TMEM62: variants seen among roughly 807,000 people sequenced by gnomAD.
TMEM62 encodes the protein transmembrane protein 62.
A neutral mutation model predicts 70.4 loss-of-function variants in TMEM62; 41 were observed. The observed-to-expected ratio is 0.58, with a 90% CI of 0.45 to 0.76. TMEM62 has a LOEUF of 0.76. TMEM62 is among the 30% of genes least tolerant of loss of function. TMEM62 has a pLI of 0.00. For synonymous variants in TMEM62, 268 were observed against 291.0 expected, an observed-to-expected ratio of 0.92 and a Z score of 0.80; for missense variants, 688 against 788.5, an observed-to-expected ratio of 0.87 and a Z score of 1.53.
chr15:43,168,144 AGAGAGGGAGAGG>A (rs1204034374), intron 10 of TMEM62, among the ~76,000 whole-genome samples: 12 of 88,306 alleles, frequency 1.4e-4, no homozygotes, highest in Admixed American at 7.4e-4. Flanking sequence ...CCGTGGGGAG[AGAGAGGGAGAGG>A]GAGAGGGAGA....
At chr15:43,149,569 C>T (rs2037111401) in intron 7 of TMEM62, among the ~76,000 whole-genome samples, 1 of 151,004 alleles carries the variant, frequency 6.6e-6, no homozygotes, top group South Asian at 2.1e-4. Flanking sequence ...ATTACAGGCA[C>T]CCACCATCAT....
At position 43,133,715 on chromosome 15, in the gene TMEM62, G is replaced by T; in HGVS notation, c.-88G>T. ...CCAGCTCTGGCCCTGCGACAATAGA[G>T]TCCGGAAGTGCAGGCAAAGCGGCTC... On this transcript the variant is annotated 5_prime_UTR_variant, in exon 1 of 14. Coordinates refer to ENST00000260403, the MANE Select transcript of TMEM62 (RefSeq NM_024956.4). The T allele has an allele frequency of 1.0e-6, 1 of 952,532 alleles. No individual in the cohort carries two copies. The highest frequency in any genetic ancestry group is 1.4e-6 in the Non-Finnish European group (1 of 726,242). 59.0% of individuals were successfully genotyped at this position (952,532 alleles called of 1,614,324 possible).
chr15:43,175,191 A>G (rs2040594024), intron 11 of TMEM62, among the ~76,000 whole-genome samples: 1 of 152,234 alleles, frequency 6.6e-6, no homozygotes, highest in South Asian at 2.1e-4. Flanking sequence ...CTATCTGAAT[A>G]TGTAGGCTAA....
intron 4 of TMEM62, among the ~76,000 whole-genome samples, chr15:43,142,490 A>AT (rs2036168327): frequency 6.6e-6 from 1 of 151,654 alleles, no homozygotes; most frequent in South Asian, 2.1e-4. Context: ...GGAAAAGTCA[A>AT]TTGATGTAGC....
chr15:43,162,363 T>C (rs2038823834), intron 10 of TMEM62, among the ~76,000 whole-genome samples: 1 of 148,832 alleles, frequency 6.7e-6, no homozygotes, highest in Non-Finnish European at 1.5e-5. Flanking sequence ...GGTCTCGAAC[T>C]CCTGACCTCA....
At chr15:43,135,681 A>G in intron 3 of TMEM62, 32 bp downstream of exon 3, 1 of 1,544,224 alleles carries the variant, frequency 6.5e-7, no homozygotes, top group Non-Finnish European at 8.7e-7. Context: ...CAATAAAGAC[A>G]AGAGTTTTTT....
At chr15:43,133,178 G>A (rs947444129), upstream of TMEM62, 1 of 152,378 alleles carries the variant, frequency 6.6e-6, no homozygotes, top group Non-Finnish European at 1.5e-5. Flanking sequence ...TTCCTGCCTG[G>A]GGGATAGAGA....
At position 43,154,675 on chromosome 15, in the gene TMEM62, C is replaced by T; in HGVS notation, c.1026C>T (p.Val342=). The change falls in exon 9 of 14, where the codon GTC becomes GTT. Residue 342 remains valine, a synonymous_variant. Transcript: ENST00000260403. ...ERLLHSTHIR[V]LAFSLSSITS... ...TTTATATATGCTCTCATTTTAGAGT[C>T]TTGGCCTTTTCCTTATCCTCCATTA... 2 of 1,604,044 alleles carry T rather than the reference C, an allele frequency of 1.2e-6. No individual in the cohort carries two copies. The highest frequency in any genetic ancestry group is 1.7e-6 in the Non-Finnish European group (2 of 1,177,086).
intron 2 of TMEM62, 117 bp downstream of exon 2, chr15:43,134,485 G>A: frequency 1.4e-6 from 1 of 740,194 alleles, no homozygotes; most frequent in Non-Finnish European, 2.3e-6. Context: ...AGCCCCAGGT[G>A]AGCTCTGTGA....
chr15:43,181,188 G>A lies in TMEM62; in HGVS notation c.1494G>A (p.Trp498Ter). 6.2e-7 allele frequency: 1 copy of A among 1,612,008 alleles called. No individual in the cohort carries two copies. Among genetic ancestry groups the A allele is most frequent in the East Asian group, 2.2e-5 (1 of 44,792 alleles). ...GTCCATTGCCTCTTTTAGGTCCATG[G>A]TTTTTTGGTGAAATCATTGATGGCA... ...LLTLYTVLGP[W>*]FFGEIIDGKF... is the part of the protein sequence containing the mutation. The change falls in exon 13 of 14, where the codon TGG (tryptophan) becomes TGA (stop). Residue 498 changes from tryptophan (W) to a stop codon, truncating the protein, a stop_gained. Transcript: ENST00000260403. LOFTEE classifies it high-confidence loss of function.
At chr15:43,183,631 T>A (rs2041596964) in intron 13 of TMEM62, among the ~76,000 whole-genome samples, 1 of 152,134 alleles carries the variant, frequency 6.6e-6, no homozygotes, top group Admixed American at 6.6e-5. Flanking sequence ...TCACGATCTG[T>A]AATTATATTT....
chr15:43,146,771 G>A, intron 5 of TMEM62, 137 bp downstream of exon 5: 1 of 806,916 alleles, frequency 1.2e-6, no homozygotes. Flanking sequence ...TACAGGTATG[G>A]CTAGAAGTTA....
At chr15:43,160,549 CAACAACAACAACAACAACAAT>C in intron 9 of TMEM62, 111 bp from the exon 10 acceptor site, 1 of 595,312 alleles carries the variant, frequency 1.7e-6, no homozygotes, top group Non-Finnish European at 2.9e-6. Flanking sequence ...TGAAAAACAA[CAACAACAACAACAACAACAAT>C]AACAACAACA....
At chr15:43,167,176 ACCTC>A (rs2039553742) in intron 10 of TMEM62, among the ~76,000 whole-genome samples, 1 of 142,324 alleles carries the variant, frequency 7.0e-6, no homozygotes, top group South Asian at 2.3e-4. Flanking sequence ...TGACCCCCCC[ACCTC>A]CCTCCCGGAC....
rs1231352262 is a variant in TMEM62 at position 43,160,582 on chromosome 15, CA to C, written c.1183-96del. 3 of 642,314 alleles carry C rather than the reference CA, an allele frequency of 4.7e-6. No individual in the cohort carries two copies. In the African/African-American group the frequency reaches 5.7e-5, roughly 12 times the overall value. 39.8% of individuals were successfully genotyped at this position (642,314 alleles called of 1,614,324 possible). A position where few individuals can be genotyped will look rare whatever the true frequency, so the allele number is the denominator to read the frequency against. ...ACAACAACAACAATAACAACAACAA[CA>C]AAGTGTAGTTATTAGAAACCTATTC... On this transcript the variant is annotated intron_variant, in intron 9 of 13. Coordinates refer to ENST00000260403, the MANE Select transcript of TMEM62 (RefSeq NM_024956.4).
At chr15:43,173,480 C>G (rs1207791849) in intron 11 of TMEM62, among the ~76,000 whole-genome samples, 1 of 152,234 alleles carries the variant, frequency 6.6e-6, no homozygotes, top group Non-Finnish European at 1.5e-5. Context: ...AAATCTTCCA[C>G]AGTCTAGTCT....
intron 3 of TMEM62, among the ~76,000 whole-genome samples, chr15:43,137,666 T>G (rs1596188499): frequency 6.6e-6 from 1 of 152,336 alleles, no homozygotes; most frequent in East Asian, 1.9e-4. Context: ...TACTTTGGCT[T>G]AAGACTGCAG....
rs764376414 is a variant in TMEM62, at chr15:43,154,705, T to A, written c.1056T>A (p.Ser352=). 6.2e-7 allele frequency: 1 copy of A among 1,612,708 alleles called. No individual in the cohort carries two copies. The highest frequency in any genetic ancestry group is 1.7e-5 in the Admixed American group (1 of 59,560). Residue 352 remains serine, a synonymous_variant, in exon 9 of 14, where the codon TCT becomes TCA. Coordinates refer to ENST00000260403, the MANE Select transcript of TMEM62 (RefSeq NM_024956.4). The part of the protein sequence containing the change: ...VLAFSLSSIT[S]VTVKIDGVHL... Reference sequence around the variant, plus strand: ...CCTTTTCCTTATCCTCCATTACTTCTGTCACAGTTAAGATTGATGGAGTTC... The same window carrying A: ...CCTTTTCCTTATCCTCCATTACTTCAGTCACAGTTAAGATTGATGGAGTTC...
chr15:43,134,010 G>C (rs1459286190), intron 1 of TMEM62, 28 bp downstream of exon 1: 1 of 1,435,844 alleles, frequency 7.0e-7, no homozygotes, highest in Non-Finnish European at 9.1e-7. Flanking sequence ...CGGGCCGGGA[G>C]GCAGGTGCAG....
Sources: gnomAD v4.1 joint callset for allele counts (sites outside exome capture counted in the v4.1 genomes callset) on GRCh38, gnomAD v4.1.1 for gene constraint, MANE v1.5 for transcripts, NCBI Gene and HGNC (gene_info 2026-07-23, HGNC 2026-07-21) for gene names.